The following NTRK3 variants were observed in gnomAD, a reference collection of about 807,000 sequenced individuals.
NTRK3 encodes the protein NT-3 growth factor receptor.
A neutral mutation model predicts 91.7 loss-of-function variants in NTRK3; 24 were observed. The observed-to-expected ratio is 0.26, with a 90% CI of 0.19 to 0.37. The LOEUF is 0.37. Ranked by LOEUF, NTRK3 falls within the 10% of genes least tolerant of loss-of-function variation. NTRK3 has a pLI of 1.00. For missense variants in NTRK3, 880 were observed against 1,068.9 expected, an observed-to-expected ratio of 0.82 and a Z score of 2.46; for synonymous variants, 483 against 404.0, an observed-to-expected ratio of 1.20 and a Z score of -2.34.
intron 13 of NTRK3, among the ~76,000 whole-genome samples, chr15:88,081,385 A>G (rs2048027745): frequency 6.6e-6 from 1 of 152,110 alleles, no homozygotes; most frequent in Admixed American, 6.5e-5. Context: ...AACTATGCAA[A>G]CTGCCGTCAC....
chr15:87,879,934 A>G (rs530336793), intron 18 of NTRK3, among the ~76,000 whole-genome samples: 3 of 152,190 alleles, frequency 2.0e-5, no homozygotes, highest in Admixed American at 6.5e-5. Context: ...GGGTGTTTCC[A>G]CAAGATGGCA....
rs540835204 is a variant in NTRK3, at chr15:88,127,655, C to T, written c.1229-429G>A. Among the ~76,000 whole-genome samples, 64 of 152,326 alleles carry T rather than the reference C, an allele frequency of 4.2e-4. No homozygotes were observed. In the East Asian group the frequency reaches 0.011, roughly 27 times the overall value. On this transcript the variant is annotated intron_variant, in intron 11 of 18. Coordinates refer to ENST00000394480, the Ensembl canonical transcript of NTRK3. ...TCTGCTACTCCTTGCCACAGGCATT[C>T]CTTTTCCTCTCCCTGCCTTTCCTGT...
At chr15:88,081,587 C>T (rs7170156) in intron 13 of NTRK3, among the ~76,000 whole-genome samples, 4,640 of 152,304 alleles carry the variant, frequency 0.03, 231 homozygotes, top group African/African-American at 0.1. Context: ...GCCTCCAACA[C>T]GCCCAGTCCC....
chr15:88,123,068 C>G (rs1261227118), intron 13 of NTRK3, among the ~76,000 whole-genome samples: 1 of 152,074 alleles, frequency 6.6e-6, no homozygotes, highest in Non-Finnish European at 1.5e-5. Flanking sequence ...CAAAAGAGGG[C>G]ATGATTGCGT....
At chr15:88,131,597 G>T (rs1276261578) in intron 10 of NTRK3, among the ~76,000 whole-genome samples, 5 of 152,212 alleles carry the variant, frequency 3.3e-5, no homozygotes, top group Non-Finnish European at 7.3e-5. Context: ...GAGCCTGAGA[G>T]AAGAGAGGTG....
intron 17 of NTRK3, among the ~76,000 whole-genome samples, chr15:87,901,761 G>C (rs923834443): frequency 2.7e-5 from 4 of 150,296 alleles, no homozygotes; most frequent in African/African-American, 1.0e-4. Flanking sequence ...AGGAAAGTTG[G>C]GGAGGGGGGG....
exon 13 of NTRK3, chr15:88,126,352 C>T (rs2151107914): frequency 1.2e-6 from 2 of 1,613,688 alleles, no homozygotes; most frequent in Non-Finnish European, 1.7e-6. Context: ...GCAAAAGCAG[C>T]AAGTCCAACT....
intron 5 of NTRK3, among the ~76,000 whole-genome samples, chr15:88,177,021 G>C (rs2151556073): frequency 6.6e-6 from 1 of 152,292 alleles, no homozygotes; most frequent in East Asian, 1.9e-4. Flanking sequence ...TCCAGGGCAG[G>C]GTATCTGTTT....
At chr15:88,187,511 T>TTA (rs991794296) in intron 3 of NTRK3, among the ~76,000 whole-genome samples, 7 of 152,042 alleles carry the variant, frequency 4.6e-5, no homozygotes, top group Admixed American at 1.3e-4. Flanking sequence ...CTAGAAAATA[T>TTA]TATATATATA....
intron 17 of NTRK3, among the ~76,000 whole-genome samples, chr15:87,917,930 G>A (rs1446113216): frequency 6.6e-6 from 1 of 151,958 alleles, no homozygotes; most frequent in African/African-American, 2.4e-5. Flanking sequence ...ATAGCCACAA[G>A]TGTTTTTTAT....
At chr15:88,159,719 A>G (rs2044255204) in intron 5 of NTRK3, among the ~76,000 whole-genome samples, 1 of 152,116 alleles carries the variant, frequency 6.6e-6, no homozygotes, top group African/African-American at 2.4e-5. Flanking sequence ...GCTCCTGGGA[A>G]CAAATGCCAT....
chr15:87,914,426 C>T (rs372379241), intron 17 of NTRK3, among the ~76,000 whole-genome samples: 1 of 152,180 alleles, frequency 6.6e-6, no homozygotes, highest in African/African-American at 2.4e-5. Context: ...AGAGTCCCCA[C>T]ATACTGACCA....
intron 14 of NTRK3, among the ~76,000 whole-genome samples, chr15:87,980,616 T>C (rs1383496781): frequency 2.6e-5 from 4 of 152,186 alleles, no homozygotes; most frequent in Non-Finnish European, 5.9e-5. Context: ...CTCAGGAATG[T>C]AGAGGTCATA....
intron 5 of NTRK3, among the ~76,000 whole-genome samples, chr15:88,176,086 G>A (rs181876250): frequency 4.9e-4 from 73 of 149,866 alleles, no homozygotes; most frequent in Middle Eastern, 3.5e-3. Context: ...ATATTTGTAC[G>A]TTCCAATAAT....
At chr15:87,960,091 G>A (rs2072097213) in intron 14 of NTRK3, among the ~76,000 whole-genome samples, 1 of 152,174 alleles carries the variant, frequency 6.6e-6, no homozygotes, top group South Asian at 2.1e-4. Context: ...GTGAAAATAG[G>A]AAGTGCTCTG....
At chr15:87,931,712 T>C (rs1184342139) in intron 16 of NTRK3, among the ~76,000 whole-genome samples, 2 of 152,226 alleles carry the variant, frequency 1.3e-5, no homozygotes, top group Admixed American at 1.3e-4. Context: ...TTTAGGGCCA[T>C]CTTTATAGAA....
chr15:87,988,496 C>A (rs1470905615), intron 14 of NTRK3, among the ~76,000 whole-genome samples: 1 of 152,130 alleles, frequency 6.6e-6, no homozygotes, highest in Non-Finnish European at 1.5e-5. Context: ...AGAATGATTA[C>A]AATAGGAGAA....
At chr15:88,074,275 C>T (rs368678795) in intron 13 of NTRK3, among the ~76,000 whole-genome samples, 250 of 152,364 alleles carry the variant, frequency 1.6e-3, no homozygotes, top group African/African-American at 5.7e-3. Context: ...AACCAGGTGG[C>T]CTCTGGTCCA....
intron 3 of NTRK3, among the ~76,000 whole-genome samples, chr15:88,250,785 T>C (rs2053270414): frequency 6.6e-6 from 1 of 152,252 alleles, no homozygotes; most frequent in Non-Finnish European, 1.5e-5. Context: ...ATGCATGATT[T>C]AGCAATCAAA....
Sources: gnomAD v4.1 joint callset for allele counts (sites outside exome capture counted in the v4.1 genomes callset) on GRCh38, gnomAD v4.1.1 for gene constraint, MANE v1.5 for transcripts, NCBI Gene and HGNC (gene_info 2026-07-23, HGNC 2026-07-21) for gene names.